The following MYO7B variants were observed in gnomAD, a reference collection of about 807,000 sequenced individuals.
MYO7B encodes the protein myosin VIIB, also known as unconventional myosin-VIIb.
In MYO7B, 212 loss-of-function variants were observed where a neutral mutation model predicts 259.7. The ratio of observed to expected loss-of-function variants is 0.82; its 90% confidence interval spans 0.73 to 0.91. MYO7B has a LOEUF of 0.91. MYO7B is among the 40% of genes least tolerant of loss of function. MYO7B has a pLI of 0.00. For synonymous variants in MYO7B, 1,197 were observed against 1,166.4 expected, an observed-to-expected ratio of 1.03 and a Z score of -0.54; for missense variants, 2,732 against 2,813.5, an observed-to-expected ratio of 0.97 and a Z score of 0.66.
chr2:127,550,566 A>G (rs1364138001), intron 1 of MYO7B, among the ~76,000 whole-genome samples: 1 of 152,018 alleles, frequency 6.6e-6, no homozygotes, highest in Non-Finnish European at 1.5e-5. Context: ...TCCAAAAAAA[A>G]AAAAAGCTCT....
chr2:127,622,055 A>G lies in MYO7B; in HGVS notation c.3599A>G (p.Tyr1200Cys), dbSNP rs1214499482. The change falls in exon 28 of 48, where the codon TAT becomes TGT. Residue 1200 changes from tyrosine to cysteine, a missense_variant. By Grantham distance (194) the Tyr-to-Cys change is radical. Around this residue, in one of 3 missense-constraint regions of MYO7B, gnomAD observed 1,906 missense variants for 2,026.4 expected, o/e 0.94. Transcript: ENST00000409816. ...TGTGCCGAGCGCCTGAGACGCACCTATGCCAATGGGGTGCGTGCGGAGCCC... is the reference window on the plus strand; with the variant it reads ...TGTGCCGAGCGCCTGAGACGCACCTGTGCCAATGGGGTGCGTGCGGAGCCC... ...PFCAERLRRT[Y>C]ANGVRAEPPT... 4 of 1,551,646 alleles carry G rather than the reference A, an allele frequency of 2.6e-6. No individual in the cohort carries two copies. The Admixed American group carries it at 5.9e-5, about 23-fold the overall frequency.
intron 15 of MYO7B, 116 bp downstream of exon 15, chr2:127,588,671 T>C (rs1679399815): frequency 8.0e-7 from 1 of 1,251,644 alleles, no homozygotes; most frequent in African/African-American, 1.5e-5. Flanking sequence ...CAGTTGGCAC[T>C]TGGGAATCCT....
rs1680067257 is a variant in MYO7B, at chr2:127,604,027, G to A, written c.2340-1817G>A. Reference sequence around the variant, plus strand: ...GGAAGCCTGTAGTCCCAGCTACTCGGGAGGCTGAGGCAGGAGAATCGCTTG... The same window carrying A: ...GGAAGCCTGTAGTCCCAGCTACTCGAGAGGCTGAGGCAGGAGAATCGCTTG... On this transcript the variant is annotated intron_variant, in intron 19 of 47. Transcript: ENST00000409816. Among the ~76,000 whole-genome samples, 3 of 152,182 alleles carry A rather than the reference G, an allele frequency of 2.0e-5. No homozygotes were observed. In the South Asian group the frequency reaches 6.2e-4, roughly 32 times the overall value.
At chr2:127,623,679 C>G (rs929403383) in intron 29 of MYO7B, among the ~76,000 whole-genome samples, 1 of 152,196 alleles carries the variant, frequency 6.6e-6, no homozygotes, top group African/African-American at 2.4e-5. Context: ...CACCAGTCTC[C>G]TGCTCCAAAC....
Position 127,631,578 on chromosome 2 carries a change from CTG to C in MYO7B, c.5096-19_5096-18del. On this transcript the variant is annotated intron_variant, in intron 37 of 47. Transcript: ENST00000409816. ...GTGTCAGCGTGGGGCTGCCCCAGCA[CTG>C]TGCTCCTTGACAGCCACACCCATCC... 1 of 1,611,848 alleles carries C rather than the reference CTG, an allele frequency of 6.2e-7. No individual in the cohort carries two copies. The highest frequency in any genetic ancestry group is 8.5e-7 in the Non-Finnish European group (1 of 1,179,208).
intron 24 of MYO7B, among the ~76,000 whole-genome samples, 174 bp downstream of exon 24, chr2:127,610,190 C>T (rs1680325484): frequency 6.6e-6 from 1 of 152,156 alleles, no homozygotes; most frequent in South Asian, 2.1e-4. Flanking sequence ...AGTATTGAAC[C>T]ATGTTCAGGA....
At position 127,593,572 on chromosome 2, in the gene MYO7B, C is replaced by A; in HGVS notation, c.2172C>A (p.Thr724=). The A allele has an allele frequency of 6.2e-7, 1 of 1,613,574 alleles. No individual in the cohort carries two copies. Among genetic ancestry groups the A allele is most frequent in the Non-Finnish European group, 8.5e-7 (1 of 1,179,762 alleles). Residue 724 remains threonine (T), a synonymous_variant, in exon 18 of 48, where the codon ACC becomes ACA. Transcript: ENST00000409816. ...TGCAAGGCAAGCTCCGCCAGATGAC[C>A]CTGGGCATCACTGACGTGTGGCTGC... ...MQLQGKLRQM[T]LGITDVWLRT...
At chr2:127,565,177 G>C in intron 3 of MYO7B, 56 bp from the exon 4 acceptor site, 1 of 1,572,048 alleles carries the variant, frequency 6.4e-7, no homozygotes, top group South Asian at 1.1e-5. Flanking sequence ...GGGTGTGGCA[G>C]GCTGGCCATG....
Position 127,566,956 on chromosome 2 carries a change from A to G in MYO7B, c.470+129A>G, listed in dbSNP as rs1158434401. On this transcript the variant is annotated intron_variant, in intron 5 of 47. Transcript: ENST00000409816. ...GCACACACCCATCTCCACAGCACAC[A>G]ACGGCCCCAGTTACCCTGCACCCCG... 13 of 979,502 alleles carry G rather than the reference A, an allele frequency of 1.3e-5. 1 individual carries two copies. Among genetic ancestry groups the G allele is most frequent in the Non-Finnish European group, 1.9e-5 (13 of 687,056 alleles). The allele number at this position is 979,502 out of a possible 1,614,324, so 60.7% of individuals were successfully genotyped here.
In MYO7B at chr2:127,605,930, TGA is replaced by T. The variant is rs1408231137; in HGVS notation, c.2424+8_2424+9del. The stretch of plus-strand genomic sequence containing the variant: ...TGCAACAGGAGGAATTTCAAGCTGG[TGA>T]GAGAGCTCTCTGGGGCGGCTGGGCC... On this transcript the variant is annotated splice_donor_region_variant and intron_variant, in intron 20 of 47. Transcript: ENST00000409816. The T allele has an allele frequency of 9.4e-6, 15 of 1,598,284 alleles. No homozygotes were observed. Among genetic ancestry groups the T allele is most frequent in the Admixed American group, 5.2e-5 (3 of 57,730 alleles).
Position 127,590,946 on chromosome 2 carries a change from C to T in MYO7B, c.1992+717C>T, listed in dbSNP as rs1679534501. Among the ~76,000 whole-genome samples, 1 of 152,230 alleles carries T rather than the reference C, an allele frequency of 6.6e-6. No individual in the cohort carries two copies. The highest frequency in any genetic ancestry group is 1.5e-5 in the Non-Finnish European group (1 of 68,046). The stretch of plus-strand genomic sequence containing the variant: ...CAGTAGCTCACGCTTGTAATCCCAG[C>T]ACTTTGGGAGGCTGAGGCGGGAGGA... On this transcript the variant is annotated intron_variant, in intron 16 of 47. Transcript: ENST00000409816. The surrounding 1 kb of genome is among the most constrained non-coding windows in gnomAD (Gnocchi z 4.6).
intron 31 of MYO7B, 73 bp downstream of exon 31, chr2:127,625,608 G>A: frequency 1.4e-5 from 19 of 1,401,824 alleles, no homozygotes; most frequent in Non-Finnish European, 1.6e-5. Context: ...ATGGTATACA[G>A]AGGAGATGGA....
At position 127,627,039 on chromosome 2, in the gene MYO7B, G is replaced by A. The variant is rs201087000; in HGVS notation, c.4280G>A (p.Arg1427His). 213 of 1,612,036 alleles carry A rather than the reference G, an allele frequency of 1.3e-4. No individual in the cohort carries two copies. Among genetic ancestry groups the A allele is most frequent in the African/African-American group, 1.2e-3 (90 of 75,050 alleles). ...AVREQVVDAARLQWPLLFSRL... is the reference protein window; with the variant it reads ...AVREQVVDAAHLQWPLLFSRL... ...CGAGAGCAGGTGGTGGACGCCGCCC[G>A]CCTGCAGTGGCCGCTGCTCTTCTCC... The change falls in exon 32 of 48, where the codon CGC becomes CAC. Residue 1427 changes from arginine (R) to histidine (H), a missense_variant. Arg to His is a conservative substitution (Grantham distance 29, BLOSUM62 0). This residue lies in a region of MYO7B where 1,906 missense variants were observed against 2,026.4 expected (regional missense o/e 0.94). Coordinates refer to ENST00000409816, the MANE Select transcript of MYO7B (RefSeq NM_001393586.1). The surrounding 1 kb of genome is among the most constrained non-coding windows in gnomAD (Gnocchi z 5.6).
At chr2:127,583,498 G>A (rs1390254677) in intron 12 of MYO7B, among the ~76,000 whole-genome samples, 3 of 152,234 alleles carry the variant, frequency 2.0e-5, no homozygotes, top group Admixed American at 2.0e-4. Flanking sequence ...GCCCTGGGAG[G>A]GACAGGTATT....
At chr2:127,567,711 T>C (rs571221292) in intron 5 of MYO7B, among the ~76,000 whole-genome samples, 1 of 152,320 alleles carries the variant, frequency 6.6e-6, no homozygotes, top group East Asian at 1.9e-4. Context: ...GGTTTTGTCA[T>C]GCCCCAACTG....
chr2:127,629,274 A>G (rs1681332665), intron 34 of MYO7B, among the ~76,000 whole-genome samples: 1 of 152,190 alleles, frequency 6.6e-6, no homozygotes, highest in South Asian at 2.1e-4. Flanking sequence ...CCATCTCCAA[A>G]TTCCAGATAA....
At position 127,626,983 on chromosome 2, in the gene MYO7B, C is replaced by T. The variant is rs764805837; in HGVS notation, c.4224C>T (p.Tyr1408=). ...LVTAACAKAP[Y]TQKQVTPLAV... The stretch of plus-strand genomic sequence containing the variant: ...CCAGGATCCCCCCTCAGGCCCCATA[C>T]ACTCAGAAGCAAGTCACACCACTGG... Residue 1408 remains tyrosine, a synonymous_variant, in exon 32 of 48, where the codon TAC becomes TAT. Coordinates refer to ENST00000409816, the MANE Select transcript of MYO7B (RefSeq NM_001393586.1). 11 of 1,610,884 alleles carry T rather than the reference C, an allele frequency of 6.8e-6. No homozygotes were observed. Among genetic ancestry groups the T allele is most frequent in the African/African-American group, 1.3e-5 (1 of 74,882 alleles).
At chr2:127,594,133 C>A (rs1042527933) in intron 18 of MYO7B, among the ~76,000 whole-genome samples, 1 of 152,226 alleles carries the variant, frequency 6.6e-6, no homozygotes, top group African/African-American at 2.4e-5. Context: ...TTGTCCTTAG[C>A]GGGGCTTGTG....
At chr2:127,562,352 A>G (rs1289300810) in intron 2 of MYO7B, among the ~76,000 whole-genome samples, 1 of 152,088 alleles carries the variant, frequency 6.6e-6, no homozygotes, top group Non-Finnish European at 1.5e-5. Context: ...GCTGGAGTGC[A>G]GTGGCACGAT....
Sources: gnomAD v4.1 joint callset for allele counts (sites outside exome capture counted in the v4.1 genomes callset) on GRCh38, gnomAD v4.1.1 for gene constraint, gnomAD v4.1.1 regional missense constraint, Gnocchi (gnomAD v3.1) non-coding constraint, MANE v1.5 for transcripts, NCBI Gene and HGNC (gene_info 2026-07-23, HGNC 2026-07-21) for gene names.